The following PCNX1 variants were observed in gnomAD, a reference collection of about 807,000 sequenced individuals.
PCNX1 encodes pecanex 1.
In PCNX1, 78 loss-of-function variants were observed where a neutral mutation model predicts 242.2. The observed-to-expected ratio is 0.32, with a 90% confidence interval of 0.27 to 0.39. PCNX1 has a LOEUF of 0.39. Ranked by LOEUF, PCNX1 falls within the 10% of genes least tolerant of loss-of-function variation. The pLI is 1.00. For missense variants in PCNX1, 2,581 were observed against 2,856.5 expected, an observed-to-expected ratio of 0.90 and a Z score of 2.20; for synonymous variants, 1,024 against 1,032.9, an observed-to-expected ratio of 0.99 and a Z score of 0.17.
In PCNX1 at chr14:70,977,702, T is replaced by G. The variant is rs2058724737; in HGVS notation, c.1365T>G (p.Ala455=). 6.2e-7 allele frequency: 1 copy of G among 1,613,940 alleles called. No homozygotes were observed. Among genetic ancestry groups the G allele is most frequent in the Non-Finnish European group, 8.5e-7 (1 of 1,180,018 alleles). ...AAAGGACTAGCAGTGAAAAGATTGC[T>G]ATGGAAGCGAGTACCAACAGTGGGG... is the stretch of plus-strand genomic sequence containing the variant. ...SDKRTSSEKI[A]MEASTNSGVH... The change falls in exon 6 of 36, where the codon GCT becomes GCG. Residue 455 remains alanine (A), a synonymous_variant. Coordinates refer to ENST00000304743, the MANE Select transcript of PCNX1 (RefSeq NM_014982.3).
At position 70,962,330 on chromosome 14, in the gene PCNX1, A is replaced by T. The variant is rs1387484148; in HGVS notation, c.467A>T (p.Gln156Leu). 6.3e-7 allele frequency: 1 copy of T among 1,589,124 alleles called. No homozygotes were observed. The highest frequency in any genetic ancestry group is 8.6e-7 in the Non-Finnish European group (1 of 1,157,282). Residue 156 changes from glutamine to leucine, a missense_variant and splice_region_variant, in exon 3 of 36, where the codon CAG becomes CTG. This residue lies in a region of PCNX1 where 1,204 missense variants were observed against 1,216.7 expected (regional missense o/e 0.99). Transcript: ENST00000304743. ...NSYAGLDPSNQIGSGSSRLGT... is the reference protein window; with the variant it reads ...NSYAGLDPSNLIGSGSSRLGT... ...TATGCCGGTCTAGATCCAAGCAACC[A>T]GGTAGGAACCTGCGCTGTTTTATTT... is the stretch of plus-strand genomic sequence containing the variant.
chr14:71,006,897 A>G (rs1302668346), intron 8 of PCNX1, among the ~76,000 whole-genome samples: 1 of 152,160 alleles, frequency 6.6e-6, no homozygotes, highest in African/African-American at 2.4e-5. Flanking sequence ...TTGGGACTAC[A>G]CCATGAGGCC....
rs759286575 is a variant in PCNX1 at position 71,050,689 on chromosome 14, C to T, written c.4376C>T (p.Thr1459Ile). The change falls in exon 23 of 36, where the codon ACC (threonine) becomes ATC (isoleucine). Residue 1459 changes from threonine (T) to isoleucine (I), a missense_variant. Physicochemically the swap from Thr to Ile is moderately conservative, Grantham distance 89. This residue lies in a region of PCNX1 where 99 missense variants were observed against 147.3 expected (regional missense o/e 0.67). Coordinates refer to ENST00000304743, the MANE Select transcript of PCNX1 (RefSeq NM_014982.3). ...CTTTATAAATTGCAGTTTGTGTATA[C>T]CTATATTGCCCCATGGCAGATCACA... Reference protein sequence around the residue: ...ELLYKLQFVYTYIAPWQITWG... With the variant: ...ELLYKLQFVYIYIAPWQITWG... The T allele has an allele frequency of 1.2e-6, 2 of 1,611,972 alleles. No homozygotes were observed. The highest frequency in any genetic ancestry group is 1.1e-5 in the South Asian group (1 of 90,936).
intron 7 of PCNX1, among the ~76,000 whole-genome samples, chr14:70,993,265 C>T (rs34844475): frequency 0.045 from 6,746 of 151,300 alleles, 265 homozygotes; most frequent in East Asian, 0.24. Context: ...GGATTACAGG[C>T]GCCCGCCACC....
At chr14:71,064,802 G>A (rs936759413) in intron 26 of PCNX1, among the ~76,000 whole-genome samples, 2 of 152,128 alleles carry the variant, frequency 1.3e-5, no homozygotes, top group Admixed American at 6.5e-5. Context: ...GGTATGTGAT[G>A]TTCCCCTCCC....
chr14:71,028,131 A>G (rs2060286448), intron 15 of PCNX1, among the ~76,000 whole-genome samples: 1 of 151,916 alleles, frequency 6.6e-6, no homozygotes. Context: ...ATTAGTAATT[A>G]TCTATTTCAT....
chr14:70,992,216 T>C (rs1330339480), intron 7 of PCNX1, among the ~76,000 whole-genome samples: 1 of 152,160 alleles, frequency 6.6e-6, no homozygotes, highest in Non-Finnish European at 1.5e-5. Context: ...TGTGTTATCT[T>C]TTTAATTCTA....
intron 2 of PCNX1, among the ~76,000 whole-genome samples, chr14:70,949,797 GT>G (rs1379235935): frequency 6.6e-6 from 1 of 152,294 alleles, no homozygotes; most frequent in East Asian, 1.9e-4. Context: ...ATAGTCAAAA[GT>G]TTGTGACCTT....
intron 2 of PCNX1, among the ~76,000 whole-genome samples, chr14:70,953,113 A>G (rs546760868): frequency 2.4e-4 from 37 of 152,210 alleles, no homozygotes; most frequent in African/African-American, 8.9e-4. Context: ...ACAAAAAATA[A>G]AAAATAAAAA....
intron 1 of PCNX1, among the ~76,000 whole-genome samples, chr14:70,944,158 G>T (rs897670540): frequency 6.6e-6 from 1 of 152,094 alleles, no homozygotes; most frequent in African/African-American, 2.4e-5. Flanking sequence ...GGCTGCTGTC[G>T]TCCAGTCCAC....
chr14:71,098,540 G>T (rs2062365565), intron 30 of PCNX1, among the ~76,000 whole-genome samples: 1 of 138,156 alleles, frequency 7.2e-6, no homozygotes, highest in African/African-American at 2.8e-5. Context: ...GTGTGTGTGT[G>T]TGTGTGTGTG....
intron 6 of PCNX1, among the ~76,000 whole-genome samples, chr14:70,986,479 C>T (rs2140226599): frequency 6.6e-6 from 1 of 152,214 alleles, no homozygotes; most frequent in Admixed American, 6.5e-5. Context: ...AACCAAGAAA[C>T]ATTTTGACTA....
At chr14:71,029,302 T>C (rs1030294730) in intron 16 of PCNX1, among the ~76,000 whole-genome samples, 1 of 152,158 alleles carries the variant, frequency 6.6e-6, no homozygotes, top group African/African-American at 2.4e-5. Flanking sequence ...ACATAAAAAT[T>C]TAAAAATTTT....
chr14:70,918,027 C>T (rs542223882), intron 1 of PCNX1, among the ~76,000 whole-genome samples: 1 of 152,312 alleles, frequency 6.6e-6, no homozygotes, highest in East Asian at 1.9e-4. Context: ...CTTCAGCTTC[C>T]TCACCTCTTA....
chr14:70,949,894 G>A (rs988702805), intron 2 of PCNX1, among the ~76,000 whole-genome samples: 1 of 152,208 alleles, frequency 6.6e-6, no homozygotes, highest in Non-Finnish European at 1.5e-5. Flanking sequence ...GCAGGTAGAT[G>A]CTGTTATTAT....
At chr14:71,106,594 A>G (rs533178198) in intron 33 of PCNX1, among the ~76,000 whole-genome samples, 3 of 151,770 alleles carry the variant, frequency 2.0e-5, no homozygotes, top group South Asian at 2.1e-4. Flanking sequence ...AGTCCTATCA[A>G]CCTTCCCAGC....
chr14:70,937,478 G>GTTCCATCGGTCTATA (rs1364061127), intron 1 of PCNX1, among the ~76,000 whole-genome samples: 9 of 152,114 alleles, frequency 5.9e-5, no homozygotes, highest in African/African-American at 2.2e-4. Flanking sequence ...GCTCTGTTCT[G>GTTCCATCGGTCTATA]TTCCATCGGT....
intron 30 of PCNX1, among the ~76,000 whole-genome samples, chr14:71,091,714 T>C (rs973398409): frequency 6.6e-6 from 1 of 152,216 alleles, no homozygotes; most frequent in African/African-American, 2.4e-5. Context: ...AGACTATACA[T>C]GGCAACATCT....
intron 11 of PCNX1, among the ~76,000 whole-genome samples, chr14:71,014,773 C>G (rs1284854115): frequency 6.6e-6 from 1 of 151,866 alleles, no homozygotes; most frequent in Non-Finnish European, 1.5e-5. Flanking sequence ...AACAAGGAGA[C>G]AAAAGATTTT....
Sources: gnomAD v4.1 joint callset for allele counts (sites outside exome capture counted in the v4.1 genomes callset) on GRCh38, gnomAD v4.1.1 for gene constraint, gnomAD v4.1.1 regional missense constraint, MANE v1.5 for transcripts, NCBI Gene and HGNC (gene_info 2026-07-23, HGNC 2026-07-21) for gene names.